SORBS2: variants seen among roughly 807,000 people sequenced by gnomAD.
The protein encoded by SORBS2 is sorbin and SH3 domain-containing protein 2.
In SORBS2, 46 loss-of-function variants were observed where a neutral mutation model predicts 97.7. The observed-to-expected ratio is 0.47, with a 90% confidence interval of 0.37 to 0.60. The LOEUF (loss-of-function observed/expected upper bound fraction) is 0.60. Ranked by LOEUF, SORBS2 falls within the 20% of genes least tolerant of loss-of-function variation. The probability of loss-of-function intolerance (pLI) is 0.00; values close to 1 mark genes in which losing one functional copy is unlikely to be tolerated. For synonymous variants in SORBS2, 476 were observed against 473.4 expected (o/e 1.01, Z -0.07); for missense variants, 1,316 against 1,282.3 (o/e 1.03, Z -0.40).
intron 1 of SORBS2, among the ~76,000 whole-genome samples, chr4:185,940,403 A>G (rs148019974): frequency 1.3e-5 from 2 of 152,228 alleles, no homozygotes; most frequent in East Asian, 1.9e-4. Flanking sequence ...ACCATTCTAC[A>G]TATTCTTCAA....
intron 12 of SORBS2, among the ~76,000 whole-genome samples, chr4:185,605,117 T>C (rs1186018240): frequency 1.3e-5 from 2 of 152,230 alleles, no homozygotes; most frequent in Admixed American, 6.5e-5. Flanking sequence ...GTGTTTGTTT[T>C]ACACAAATGC....
upstream of SORBS2, among the ~76,000 whole-genome samples, chr4:185,659,852 C>A (rs2097486939): frequency 1.3e-5 from 2 of 152,208 alleles, no homozygotes; most frequent in African/African-American, 4.8e-5. Context: ...TGAACACCAG[C>A]ATGTGCAAAG....
At chr4:185,884,176 A>C (rs2099238212) in intron 1 of SORBS2, among the ~76,000 whole-genome samples, 1 of 152,236 alleles carries the variant, frequency 6.6e-6, no homozygotes. Context: ...GTTGAATTTT[A>C]TTGTACATAA....
intron 1 of SORBS2, among the ~76,000 whole-genome samples, chr4:185,875,625 T>C (rs990002654): frequency 1.3e-5 from 2 of 152,232 alleles, no homozygotes; most frequent in Non-Finnish European, 2.9e-5. Flanking sequence ...GCAACGCAGA[T>C]GTGAAGAGAA....
At chr4:185,776,977 C>A (rs987571542) in intron 1 of SORBS2, among the ~76,000 whole-genome samples, 1 of 150,562 alleles carries the variant, frequency 6.6e-6, no homozygotes, top group African/African-American at 2.4e-5. Context: ...ATATCAAATT[C>A]AAATTCAATT....
At chr4:185,831,933 A>T (rs188028949) in intron 1 of SORBS2, among the ~76,000 whole-genome samples, 1 of 152,372 alleles carries the variant, frequency 6.6e-6, no homozygotes, top group East Asian at 1.9e-4. Flanking sequence ...GATTAAATGA[A>T]GTAACTCCTT....
At chr4:185,750,261 C>G (rs1296070097) in intron 2 of SORBS2, among the ~76,000 whole-genome samples, 1 of 152,172 alleles carries the variant, frequency 6.6e-6, no homozygotes, top group Non-Finnish European at 1.5e-5. Flanking sequence ...ACTGTGTATA[C>G]CAATTATGAA....
chr4:185,876,494 A>T (rs576041826), intron 1 of SORBS2, among the ~76,000 whole-genome samples: 6 of 152,306 alleles, frequency 3.9e-5, no homozygotes, highest in African/African-American at 1.4e-4. Flanking sequence ...TTCCACCAAG[A>T]CTGGAAGGAA....
At chr4:185,712,550 C>G (rs571085470) in intron 2 of SORBS2, among the ~76,000 whole-genome samples, 1 of 152,202 alleles carries the variant, frequency 6.6e-6, no homozygotes. Context: ...CTGCCTCATG[C>G]GAAAAGGCAG....
intron 1 of SORBS2, among the ~76,000 whole-genome samples, chr4:185,777,021 G>A (rs527789219): frequency 1.3e-5 from 2 of 151,856 alleles, no homozygotes; most frequent in Admixed American, 1.3e-4. Context: ...CACTGAAATA[G>A]ATTATGGAAA....
At chr4:185,908,306 T>TACACAC (rs1318694944) in intron 1 of SORBS2, among the ~76,000 whole-genome samples, 1 of 110,268 alleles carries the variant, frequency 9.1e-6, no homozygotes, top group African/African-American at 3.8e-5. Flanking sequence ...TATATATATA[T>TACACAC]ATATATATAT....
At chr4:185,673,322 T>C (rs1157401831) in intron 4 of SORBS2, among the ~76,000 whole-genome samples, 1 of 152,198 alleles carries the variant, frequency 6.6e-6, no homozygotes, top group Non-Finnish European at 1.5e-5. Flanking sequence ...TCATGTTAAA[T>C]GTTCTTACCA....
rs923924124 is a variant in SORBS2 at position 185,763,482 on chromosome 4, C to A, written c.-198+11745G>T. Among the ~76,000 whole-genome samples the A allele has an allele frequency of 2.0e-5, 3 of 152,316 alleles. No individual in the cohort carries two copies. The East Asian group carries it at 5.8e-4, about 29-fold the overall frequency. The stretch of plus-strand genomic sequence containing the variant: ...CAATTTACTGCTCTTTGTCTAATTC[C>A]TTATATAAGTGGTCAATACAAACTG... On this transcript the variant is annotated intron_variant, in intron 2 of 20. Coordinates refer to the SORBS2 transcript ENST00000284776.
intron 2 of SORBS2, among the ~76,000 whole-genome samples, chr4:185,742,614 C>T (rs1480697379): frequency 1.3e-5 from 2 of 152,290 alleles, no homozygotes; most frequent in African/African-American, 2.4e-5. Flanking sequence ...GCCTTTGACA[C>T]AGTAAACACT....
chr4:185,769,194 A>G (rs148775079), intron 2 of SORBS2, among the ~76,000 whole-genome samples: 1 of 152,234 alleles, frequency 6.6e-6, no homozygotes, highest in Non-Finnish European at 1.5e-5. Context: ...TTGCATATCC[A>G]TCCTGCGTCA....
chr4:185,665,278 T>G (rs2097579926), intron 4 of SORBS2, among the ~76,000 whole-genome samples: 1 of 152,154 alleles, frequency 6.6e-6, no homozygotes, highest in Non-Finnish European at 1.5e-5. Context: ...ATTAGCCTCA[T>G]GCAGTCAGTA....
exon 5 of SORBS2, chr4:185,662,209 C>T (rs371683586): frequency 6.2e-7 from 1 of 1,612,928 alleles, no homozygotes; most frequent in African/African-American, 1.3e-5. Flanking sequence ...GGACTCACGG[C>T]ACCTCCTGAG....
intron 1 of SORBS2, among the ~76,000 whole-genome samples, chr4:185,913,648 A>T (rs1039075045): frequency 6.6e-6 from 1 of 152,166 alleles, no homozygotes; most frequent in African/African-American, 2.4e-5. Context: ...CTAGTTGGTT[A>T]TTGTTAGCAA....
chr4:185,678,009 AT>A (rs1396459713), intron 4 of SORBS2, among the ~76,000 whole-genome samples: 2 of 152,116 alleles, frequency 1.3e-5, no homozygotes, highest in African/African-American at 4.8e-5. Context: ...TTTTATAACA[AT>A]TTTCATGCTT....
Sources: gnomAD v4.1 joint callset for allele counts (sites outside exome capture counted in the v4.1 genomes callset) on GRCh38, gnomAD v4.1.1 for gene constraint, MANE v1.5 for transcripts, NCBI Gene and HGNC (gene_info 2026-07-23, HGNC 2026-07-21) for gene names.